TPM1: variants seen among roughly 807,000 people sequenced by gnomAD.
TPM1 encodes tropomyosin 1, also known as tropomyosin alpha-1 chain.
Under a neutral mutation model 42.9 loss-of-function variants are expected in TPM1, and 24 were observed. That is an observed-to-expected ratio of 0.56 (90% confidence interval 0.41 to 0.79). The LOEUF (loss-of-function observed/expected upper bound fraction) is 0.79, where lower values mean the gene tolerates loss of function less well. Ranked by LOEUF, TPM1 falls within the 30% of genes least tolerant of loss-of-function variation. TPM1 has a pLI of 0.00. For missense variants in TPM1, 158 were observed against 351.8 expected, an observed-to-expected ratio of 0.45 and a Z score of 4.41; for synonymous variants, 136 against 130.1, an observed-to-expected ratio of 1.05 and a Z score of -0.31.
rs746753372 is a variant in TPM1, at chr15:63,062,739, C to A, written c.772+94C>A. On this transcript the variant is annotated intron_variant, in intron 8 of 9. Transcript: ENST00000403994. ...CAATTCAAGGGCATCCACATTGATA[C>A]GCTCCTTTGCACTTGCACATTCTTC... 50 of 1,598,784 alleles carry A rather than the reference C, an allele frequency of 3.1e-5. No homozygotes were observed. The highest frequency in any genetic ancestry group is 3.3e-4 in the Middle Eastern group (2 of 6,072).
At chr15:63,070,936 T>C (rs939746624), downstream of TPM1, 4 of 1,454,074 alleles carry the variant, frequency 2.8e-6, no homozygotes, top group African/African-American at 5.7e-5. Flanking sequence ...CCGTCTTAGG[T>C]TCTTGTCTAG....
intron 4 of TPM1, chr15:63,060,036 G>A (rs1566963020): frequency 3.2e-6 from 1 of 316,808 alleles, no homozygotes; most frequent in East Asian, 7.7e-5. Context: ...TCTTCCCAGA[G>A]TGACCTGGCA....
chr15:63,051,634 C>G (rs1425378041), intron 2 of TPM1, among the ~76,000 whole-genome samples: 2 of 152,034 alleles, frequency 1.3e-5, no homozygotes, highest in South Asian at 4.1e-4. Context: ...AAACCTTCTT[C>G]GTATAACTAC....
At chr15:63,058,627 T>C (rs1234134355) in intron 3 of TPM1, among the ~76,000 whole-genome samples, 1 of 152,164 alleles carries the variant, frequency 6.6e-6, no homozygotes, top group Non-Finnish European at 1.5e-5. Context: ...AAGAATCGCT[T>C]GAACCCAGTA....
At chr15:63,062,104 C>T (rs2035715456) in intron 6 of TPM1, 111 bp from the exon 7 acceptor site, 2 of 948,832 alleles carry the variant, frequency 2.1e-6, no homozygotes, top group East Asian at 5.0e-5. Flanking sequence ...GTTCCATTAC[C>T]TCCTAAGAGA....
chr15:63,061,578 C>T (rs2035635958), intron 5 of TPM1, 135 bp from the exon 6 acceptor site: 1 of 883,808 alleles, frequency 1.1e-6, no homozygotes, highest in African/African-American at 1.6e-5. Flanking sequence ...ATTTTAATAC[C>T]TGATGATTTG....
intron 2 of TPM1, chr15:63,046,455 C>T (rs1192509733): frequency 1.3e-5 from 2 of 152,176 alleles, no homozygotes; most frequent in Non-Finnish European, 2.9e-5. Flanking sequence ...CATTATTCAC[C>T]AGTGTAAAAC....
At chr15:63,071,202 C>CTTT in exon 9 of TPM1, 1 of 1,591,948 alleles carries the variant, frequency 6.3e-7, no homozygotes, top group East Asian at 2.2e-5. Flanking sequence ...CACATTCTTT[C>CTTT]GTTTTGTTTT....
chr15:63,043,788 A>C, intron 1 of TPM1: 1 of 1,549,908 alleles, frequency 6.5e-7, no homozygotes, highest in South Asian at 1.2e-5. Context: ...GAGCTGCACA[A>C]GGCGGAGGAC....
In TPM1 at chr15:63,049,287, A is replaced by G. The variant is rs118041867; in HGVS notation, c.240+5135A>G. Reference sequence around the variant, plus strand: ...CGCGTTCTGCTGGAAGAGCTAAACTATAGTGCAAAACCCTTAACCCGTCCC... The same window carrying G: ...CGCGTTCTGCTGGAAGAGCTAAACTGTAGTGCAAAACCCTTAACCCGTCCC... On this transcript the variant is annotated intron_variant, in intron 2 of 9. Coordinates refer to ENST00000403994, the MANE Select transcript of TPM1 (RefSeq NM_001018005.2). 209 of 166,928 alleles carry G rather than the reference A, an allele frequency of 1.3e-3. 2 individuals carry two copies. The East Asian group carries it at 0.017, about 14-fold the overall frequency. The allele number at this position is 166,928 out of a possible 1,614,324, so 10.3% of individuals were successfully genotyped here.
chr15:63,042,767 G>C lies in TPM1; in HGVS notation c.-63G>C. 1.4e-6 allele frequency: 2 copies of C among 1,439,642 alleles called. No individual in the cohort carries two copies. The highest frequency in any genetic ancestry group is 1.9e-6 in the Non-Finnish European group (2 of 1,033,914). The allele number at this position is 1,439,642 out of a possible 1,614,324, so 89.2% of individuals were successfully genotyped here. A position where few individuals can be genotyped will look rare whatever the true frequency, so the allele number is the denominator to read the frequency against. Reference sequence around the variant, plus strand: ...TCCGCGCTCGCACTCCCGCTCCTCCGCCCGACCGCGCGCTCGCCCCGCCGC... The same window carrying C: ...TCCGCGCTCGCACTCCCGCTCCTCCCCCCGACCGCGCGCTCGCCCCGCCGC... On this transcript the variant is annotated 5_prime_UTR_variant, in exon 1 of 10. Coordinates refer to ENST00000403994, the MANE Select transcript of TPM1 (RefSeq NM_001018005.2).
intron 9 of TPM1, chr15:63,065,509 A>T (rs1003551187): frequency 2.0e-6 from 2 of 985,244 alleles, no homozygotes; most frequent in Admixed American, 1.2e-4. Context: ...GTGTCTTCTC[A>T]TCCCTCATTT....
chr15:63,044,265 C>A, intron 2 of TPM1, 113 bp downstream of exon 2: 1 of 1,508,900 alleles, frequency 6.6e-7, no homozygotes, highest in Non-Finnish European at 9.1e-7. Flanking sequence ...TGGACACCTG[C>A]ACACAGCCCT....
chr15:63,048,223 G>A (rs2140708033), intron 2 of TPM1: 1 of 472,694 alleles, frequency 2.1e-6, no homozygotes, highest in East Asian at 6.6e-5. Context: ...GTGGAAGCCA[G>A]AGCCCTAGTG....
In TPM1 at chr15:63,065,892, G is replaced by A. The variant is rs374970923; in HGVS notation, c.852-4G>A. ...TTTCCTCCCACCTTTTTATCTTCAC[G>A]CAGATAAGTTTCTTTGCTTCACTTC... On this transcript the variant is annotated splice_polypyrimidine_tract_variant and splice_region_variant and intron_variant, in intron 9 of 9. Transcript: ENST00000403994. The A allele has an allele frequency of 1.4e-5, 23 of 1,592,828 alleles. No homozygotes were observed. Among genetic ancestry groups the A allele is most frequent in the South Asian group, 3.3e-5 (3 of 89,830 alleles).
chr15:63,051,810 A>G (rs2033924882), intron 2 of TPM1, among the ~76,000 whole-genome samples: 1 of 152,218 alleles, frequency 6.6e-6, no homozygotes, highest in South Asian at 2.1e-4. Context: ...TTAAAAAGTA[A>G]AAGTCACTGC....
chr15:63,063,442 T>A, intron 8 of TPM1: 1 of 924,666 alleles, frequency 1.1e-6, no homozygotes, highest in Non-Finnish European at 1.3e-6. Flanking sequence ...ATATAAAGTG[T>A]GGCGCCCATT....
intron 3 of TPM1, 68 bp from the exon 4 acceptor site, chr15:63,059,495 G>A (rs1706512773): frequency 8.0e-7 from 1 of 1,251,066 alleles, no homozygotes; most frequent in South Asian, 1.2e-5. Flanking sequence ...ACAAGCCACA[G>A]CAGTGCAGTG....
In TPM1 at chr15:63,065,010, TAACCA is replaced by T. The variant is rs1470402906; in HGVS notation, c.851+870_851+874del. On this transcript the variant is annotated intron_variant, in intron 9 of 9. Transcript: ENST00000403994. The stretch of plus-strand genomic sequence containing the variant: ...AGAGTAAAAAGAACCCTCTGCTGAG[TAACCA>T]AGCCTTTAATTTTGTGTTTTTATGA... 5 of 985,304 alleles carry T rather than the reference TAACCA, an allele frequency of 5.1e-6. No individual in the cohort carries two copies. The East Asian group carries it at 5.7e-4, about 112-fold the overall frequency. The allele number at this position is 985,304 out of a possible 1,614,324, so 61.0% of individuals were successfully genotyped here.
Sources: allele counts gnomAD v4.1 joint callset (sites outside exome capture counted in the v4.1 genomes callset), GRCh38; gene constraint gnomAD v4.1.1; transcripts MANE v1.5; gene names NCBI Gene and HGNC (gene_info 2026-07-23, HGNC 2026-07-21).